Variants in RFX7 observed in about 807,000 individuals in gnomAD.
The protein encoded by RFX7 is regulatory factor X7, also known as DNA-binding protein RFX7.
Under a neutral mutation model 111.8 loss-of-function variants are expected in RFX7, and 26 were observed. The observed-to-expected ratio is 0.23, with a 90% confidence interval of 0.17 to 0.32. The LOEUF (loss-of-function observed/expected upper bound fraction) is 0.32, where lower values mean the gene tolerates loss of function less well. RFX7 is among the 10% of genes least tolerant of loss of function. RFX7 has a pLI of 1.00. For synonymous variants in RFX7, 624 were observed against 624.4 expected, an observed-to-expected ratio of 1.00 and a Z score of 0.01; for missense variants, 1,573 against 1,772.9, an observed-to-expected ratio of 0.89 and a Z score of 2.02.
chr15:56,109,365 T>C (rs2041877415), intron 5 of RFX7, among the ~76,000 whole-genome samples: 1 of 152,224 alleles, frequency 6.6e-6, no homozygotes, highest in Non-Finnish European at 1.5e-5. Flanking sequence ...GTGCCCAGGC[T>C]GGAGTGCAGT....
chr15:56,146,835 T>C (rs528584883), intron 3 of RFX7, among the ~76,000 whole-genome samples: 1 of 152,288 alleles, frequency 6.6e-6, no homozygotes, highest in South Asian at 2.1e-4. Flanking sequence ...TGAAAACTGA[T>C]AATAACAAAA....
At chr15:56,124,790 T>C (rs1247151236) in intron 5 of RFX7, among the ~76,000 whole-genome samples, 1 of 152,254 alleles carries the variant, frequency 6.6e-6, no homozygotes, top group East Asian at 1.9e-4. Flanking sequence ...TTGCAAATAT[T>C]TTCTCCCATT....
At chr15:56,118,084 T>C (rs998381999) in intron 5 of RFX7, among the ~76,000 whole-genome samples, 1 of 152,086 alleles carries the variant, frequency 6.6e-6, no homozygotes, top group Non-Finnish European at 1.5e-5. Context: ...TATATATATA[T>C]ATGGGGTATA....
At chr15:56,169,700 C>CTTTTTTT (rs35597885) in intron 3 of RFX7, among the ~76,000 whole-genome samples, 115 of 96,836 alleles carry the variant, frequency 1.2e-3, no homozygotes, top group African/African-American at 2.1e-3. Context: ...CTAGTCAGTT[C>CTTTTTTT]TTTTTTTTTT....
chr15:56,235,320 C>T lies in RFX7; in HGVS notation c.161+7805G>A, dbSNP rs960050737. On this transcript the variant is annotated intron_variant, in intron 2 of 9. Coordinates refer to ENST00000559447, the MANE Select transcript of RFX7 (RefSeq NM_022841.7). ...CCTCCTGAGTAGCTGGGGCTACAGG[C>T]CCCGCCACTGTGACTGGCTAATTTT... Among the ~76,000 whole-genome samples the T allele has an allele frequency of 3.3e-5, 5 of 152,106 alleles. No individual in the cohort carries two copies. In the South Asian group the frequency reaches 6.2e-4, roughly 19 times the overall value.
intron 5 of RFX7, among the ~76,000 whole-genome samples, chr15:56,125,705 TAC>T (rs1229200449): frequency 6.6e-6 from 1 of 152,048 alleles, no homozygotes; most frequent in Non-Finnish European, 1.5e-5. Flanking sequence ...AGTTCATATA[TAC>T]AGTTTTTAAT....
rs1218789443 is a variant in RFX7 at position 56,136,833 on chromosome 15, T to G, written c.401+5945A>C. On this transcript the variant is annotated intron_variant, in intron 5 of 9. Coordinates refer to ENST00000559447, the MANE Select transcript of RFX7 (RefSeq NM_022841.7). ...TGAGAGTTTTTAGCATGAAGGGTTGTTGAATTTTGTCAAAGGCTTTTTCTG... is the reference window on the plus strand; with the variant it reads ...TGAGAGTTTTTAGCATGAAGGGTTGGTGAATTTTGTCAAAGGCTTTTTCTG... Among the ~76,000 whole-genome samples the G allele has an allele frequency of 6.1e-5, 9 of 146,360 alleles. No individual in the cohort carries two copies. In the East Asian group the frequency reaches 1.2e-3, roughly 20 times the overall value.
At chr15:56,219,177 A>C (rs999376879) in intron 2 of RFX7, among the ~76,000 whole-genome samples, 2 of 152,178 alleles carry the variant, frequency 1.3e-5, no homozygotes, top group African/African-American at 4.8e-5. Flanking sequence ...ATTAGATATA[A>C]ATAAATATTT....
intron 2 of RFX7, among the ~76,000 whole-genome samples, chr15:56,204,873 C>T (rs1449213968): frequency 6.6e-6 from 1 of 152,178 alleles, no homozygotes; most frequent in Non-Finnish European, 1.5e-5. Context: ...GCTCAATAAT[C>T]TGTGAACCTC....
chr15:56,106,545 T>C (rs2041832181), intron 5 of RFX7, among the ~76,000 whole-genome samples: 1 of 152,222 alleles, frequency 6.6e-6, no homozygotes, highest in African/African-American at 2.4e-5. Context: ...TCAGAAGTTG[T>C]ATAGTTCAAC....
intron 8 of RFX7, among the ~76,000 whole-genome samples, chr15:56,099,451 G>A (rs889481643): frequency 7.9e-5 from 12 of 151,882 alleles, no homozygotes; most frequent in African/African-American, 2.7e-4. Flanking sequence ...GCCCCTTTCC[G>A]ACCCCAAGCC....
chr15:56,198,224 T>C (rs1247236792), intron 2 of RFX7, among the ~76,000 whole-genome samples: 1 of 152,126 alleles, frequency 6.6e-6, no homozygotes, highest in Non-Finnish European at 1.5e-5. Flanking sequence ...TAATAGCCTC[T>C]TCCCAACAAT....
Position 56,243,191 on chromosome 15 carries a change from G to T in RFX7, c.95C>A (p.Ala32Asp), listed in dbSNP as rs760324881. 7.4e-7 allele frequency: 1 copy of T among 1,350,282 alleles called. No individual in the cohort carries two copies. The highest frequency in any genetic ancestry group is 1.2e-5 in the South Asian group (1 of 84,944). 83.6% of individuals were successfully genotyped at this position (1,350,282 alleles called of 1,614,324 possible). The change falls in exon 2 of 10, where the codon GCC becomes GAC. Residue 32 changes from alanine (A) to aspartate (D), a missense_variant. Physicochemically the swap from Ala to Asp is moderately radical, Grantham distance 126 (BLOSUM62 -2). Transcript: ENST00000559447. Reference protein sequence around the residue: ...SAPNSGVALPALVPGLPGTEA... With the variant: ...SAPNSGVALPDLVPGLPGTEA... ...TGTCCCTGGCAGCCCGGGCACAAGG[G>T]CTGGCAGGGCCACCCCCGAGTTGGG...
intron 3 of RFX7, among the ~76,000 whole-genome samples, chr15:56,152,865 T>C (rs2042593730): frequency 6.7e-6 from 1 of 150,170 alleles, no homozygotes; most frequent in Non-Finnish European, 1.5e-5. Flanking sequence ...AATAAAAAAA[T>C]GATATAGGGG....
intron 2 of RFX7, among the ~76,000 whole-genome samples, chr15:56,218,734 A>C (rs1038503171): frequency 6.6e-6 from 1 of 152,194 alleles, no homozygotes; most frequent in Non-Finnish European, 1.5e-5. Context: ...TCAAATAATA[A>C]TGGTATCATG....
chr15:56,235,074 C>G (rs2043607799), intron 2 of RFX7, among the ~76,000 whole-genome samples: 1 of 151,948 alleles, frequency 6.6e-6, no homozygotes, highest in Non-Finnish European at 1.5e-5. Flanking sequence ...CAGACCAGCA[C>G]ATACGTAAGT....
At chr15:56,241,692 T>C (rs2043691155) in intron 2 of RFX7, among the ~76,000 whole-genome samples, 1 of 149,918 alleles carries the variant, frequency 6.7e-6, no homozygotes, top group Non-Finnish European at 1.5e-5. Context: ...GGTGAGGGTA[T>C]CCATTGAAGA....
At position 56,147,218 on chromosome 15, in the gene RFX7, C is replaced by T. The variant is rs976005769; in HGVS notation, c.196-2735G>A. ...TATTTTTGGAGCACCAGAGAAAAGACCAACTTCATAAACTTTAAAAATTAT... is the reference window on the plus strand; with the variant it reads ...TATTTTTGGAGCACCAGAGAAAAGATCAACTTCATAAACTTTAAAAATTAT... On this transcript the variant is annotated intron_variant, in intron 3 of 9. Coordinates refer to ENST00000559447, the MANE Select transcript of RFX7 (RefSeq NM_022841.7). Among the ~76,000 whole-genome samples, 17 of 152,064 alleles carry T rather than the reference C, an allele frequency of 1.1e-4. No individual in the cohort carries two copies. The South Asian group carries it at 1.9e-3, about 17-fold the overall frequency.
chr15:56,194,639 T>A lies in RFX7; in HGVS notation c.162-15336A>T, dbSNP rs148747494. Among the ~76,000 whole-genome samples, 3 of 151,752 alleles carry A rather than the reference T, an allele frequency of 2.0e-5. No homozygotes were observed. The East Asian group carries it at 5.8e-4, about 29-fold the overall frequency. ...ACAAAATTTTTTATATTTAAAAAAA[T>A]AATAATAGTCATAATAGTGGCTAAT... On this transcript the variant is annotated intron_variant, in intron 2 of 9. Coordinates refer to ENST00000559447, the MANE Select transcript of RFX7 (RefSeq NM_022841.7).
Sources: gnomAD v4.1 joint callset for allele counts (sites outside exome capture counted in the v4.1 genomes callset) on GRCh38, gnomAD v4.1.1 for gene constraint, MANE v1.5 for transcripts, NCBI Gene and HGNC (gene_info 2026-07-23, HGNC 2026-07-21) for gene names.